UBE2K: variants seen among roughly 807,000 people sequenced by gnomAD.
UBE2K encodes the protein ubiquitin-conjugating enzyme E2 K.
Under a neutral mutation model 30.0 loss-of-function variants are expected in UBE2K, and 6 were observed. That is an observed-to-expected ratio of 0.20 (90% CI 0.11 to 0.39). The LOEUF (loss-of-function observed/expected upper bound fraction) is 0.39. Among genes scored for constraint, UBE2K ranks in the 10% least tolerant of loss-of-function variants. The probability of loss-of-function intolerance (pLI) is 1.00; values close to 1 mark genes in which losing one functional copy is unlikely to be tolerated. For missense variants in UBE2K, 61 were observed against 241.6 expected (o/e 0.25, Z 4.96); for synonymous variants, 86 against 83.7 (o/e 1.03, Z -0.15).
intron 3 of UBE2K, among the ~76,000 whole-genome samples, chr4:39,747,785 TTTGTTG>T (rs1054044884): frequency 6.6e-6 from 1 of 151,698 alleles, no homozygotes; most frequent in South Asian, 2.1e-4. Flanking sequence ...CCCGGCTAAT[TTTGTTG>T]TTGTTGTTGT....
intron 5 of UBE2K, among the ~76,000 whole-genome samples, chr4:39,775,668 C>T (rs1560383058): frequency 6.6e-6 from 1 of 152,198 alleles, no homozygotes; most frequent in Non-Finnish European, 1.5e-5. Flanking sequence ...GGGAGAATCG[C>T]TTGAACCTGG....
intron 1 of UBE2K, among the ~76,000 whole-genome samples, chr4:39,713,089 C>G (rs1021814348): frequency 1.3e-5 from 2 of 151,780 alleles, no homozygotes; most frequent in Non-Finnish European, 2.9e-5. Flanking sequence ...GTCTCTAACT[C>G]CTGACCTCAG....
chr4:39,719,707 C>G (rs1466773751), intron 1 of UBE2K, among the ~76,000 whole-genome samples: 1 of 151,998 alleles, frequency 6.6e-6, no homozygotes, highest in Non-Finnish European at 1.5e-5. Flanking sequence ...TTTGTCATAC[C>G]CAATTTTGGG....
At chr4:39,698,434 G>T (rs1448203225) in intron 1 of UBE2K, 44 bp downstream of exon 1, 3 of 1,572,920 alleles carry the variant, frequency 1.9e-6, no homozygotes, top group Non-Finnish European at 1.7e-6. Context: ...TGCCTGGGGC[G>T]GGAGGGTCCT....
chr4:39,709,782 A>G (rs542867433), intron 1 of UBE2K, among the ~76,000 whole-genome samples: 1 of 152,192 alleles, frequency 6.6e-6, no homozygotes, highest in Admixed American at 6.6e-5. Flanking sequence ...TTGTGTTAAA[A>G]TGTTGCCTTC....
intron 2 of UBE2K, among the ~76,000 whole-genome samples, chr4:39,738,114 A>G (rs142526683): frequency 1.3e-5 from 2 of 152,294 alleles, no homozygotes; most frequent in East Asian, 1.9e-4. Flanking sequence ...ACCTTATAGC[A>G]TTTTACTTTC....
intron 4 of UBE2K, chr4:39,770,201 G>A (rs945132144): frequency 1.9e-6 from 3 of 1,610,332 alleles, no homozygotes; most frequent in East Asian, 4.5e-5. Context: ...AGCGCATGTC[G>A]CAGTAGGAGC....
intron 1 of UBE2K, chr4:39,713,912 C>T (rs1231859642): frequency 1.3e-5 from 2 of 151,728 alleles, no homozygotes; most frequent in African/African-American, 4.8e-5. Flanking sequence ...AAGACAGAGT[C>T]TTGCTCTATT....
chr4:39,764,904 G>A (rs1202730154), intron 4 of UBE2K, among the ~76,000 whole-genome samples: 3 of 112,312 alleles, frequency 2.7e-5, no homozygotes, highest in African/African-American at 1.3e-4. Flanking sequence ...TTTTTTTTTC[G>A]AGACAAGAGT....
intron 4 of UBE2K, chr4:39,761,035 A>C (rs953640294): frequency 6.6e-6 from 1 of 152,274 alleles, no homozygotes; most frequent in Non-Finnish European, 1.5e-5. Flanking sequence ...AGTCCCAGCT[A>C]CTCAGGAGGC....
chr4:39,716,920 C>T (rs1214539571), intron 1 of UBE2K, among the ~76,000 whole-genome samples: 1 of 150,966 alleles, frequency 6.6e-6, no homozygotes, highest in Non-Finnish European at 1.5e-5. Context: ...ATCACTTGAA[C>T]CCGGGAGGCG....
chr4:39,781,919 C>T lies in UBE2K; in HGVS notation c.*3485C>T, dbSNP rs1325233942. 5.0e-6 allele frequency: 2 copies of T among 398,314 alleles called. No homozygotes were observed. Among genetic ancestry groups the T allele is most frequent in the Non-Finnish European group, 8.9e-6 (2 of 225,918 alleles). The allele number at this position is 398,314 out of a possible 1,614,324, so 24.7% of individuals were successfully genotyped here. On this transcript the variant is annotated 3_prime_UTR_variant, in exon 7 of 7. Coordinates refer to ENST00000261427, the MANE Select transcript of UBE2K (RefSeq NM_005339.5). ...CCAGTTGCTGTCACTGGGAAGAAGGCAACTTGAAGTATTTACTGATAAAAT... is the reference window on the plus strand; with the variant it reads ...CCAGTTGCTGTCACTGGGAAGAAGGTAACTTGAAGTATTTACTGATAAAAT...
chr4:39,736,539 A>T (rs1720392726), intron 1 of UBE2K, among the ~76,000 whole-genome samples: 1 of 152,206 alleles, frequency 6.6e-6, no homozygotes, highest in South Asian at 2.1e-4. Context: ...TTTTTAACAT[A>T]GGTTTGAGAA....
At chr4:39,762,918 G>A (rs541154050) in intron 4 of UBE2K, among the ~76,000 whole-genome samples, 27 of 144,038 alleles carry the variant, frequency 1.9e-4, no homozygotes, top group African/African-American at 6.7e-4. Context: ...CGTGAGCCAC[G>A]CACCCGGCCA....
At chr4:39,763,600 G>A (rs868758430) in intron 4 of UBE2K, among the ~76,000 whole-genome samples, 7 of 151,982 alleles carry the variant, frequency 4.6e-5, no homozygotes, top group Admixed American at 1.3e-4. Flanking sequence ...TCACCAATGG[G>A]GTGGCACTAA....
rs762538774 is a variant in UBE2K, at chr4:39,771,225, C to G, written c.300-3609C>G. The G allele has an allele frequency of 6.3e-4, 1,016 of 1,612,332 alleles. 1 individual carries two copies. Among genetic ancestry groups the G allele is most frequent in the Non-Finnish European group, 8.1e-4 (951 of 1,179,648 alleles). On this transcript the variant is annotated intron_variant, in intron 4 of 6. Coordinates refer to ENST00000261427, the MANE Select transcript of UBE2K (RefSeq NM_005339.5). Reference sequence around the variant, plus strand: ...TGCGTGCACTGTGCATCAGGGAGACCTGCAGCTCCGAGCTGGGGTTAAGCA... The same window carrying G: ...TGCGTGCACTGTGCATCAGGGAGACGTGCAGCTCCGAGCTGGGGTTAAGCA...
At chr4:39,726,595 C>CTGTT (rs781495667) in intron 1 of UBE2K, among the ~76,000 whole-genome samples, 1 of 151,858 alleles carries the variant, frequency 6.6e-6, no homozygotes. Context: ...GATTATTTTG[C>CTGTT]TGTTTGTTTG....
intron 1 of UBE2K, among the ~76,000 whole-genome samples, chr4:39,720,089 T>C (rs1302013667): frequency 6.6e-6 from 1 of 152,238 alleles, no homozygotes; most frequent in African/African-American, 2.4e-5. Context: ...AGATACTTGT[T>C]TTCCTGAATG....
rs879776892 is a variant in UBE2K at position 39,714,546 on chromosome 4, A to ATTTTTTTTTT, written c.63+16157_63+16158insTTTTTTTTTT. ...TATATATATATATATATATATATAT[A>ATTTTTTTTTT]TATATTTTTTTTTTTTTTTAAGACT... On this transcript the variant is annotated intron_variant, in intron 1 of 6. Coordinates refer to ENST00000261427, the MANE Select transcript of UBE2K (RefSeq NM_005339.5). 7.1e-3 allele frequency: 180 copies of ATTTTTTTTTT among 25,252 alleles called. 13 individuals carry two copies. The highest frequency in any genetic ancestry group is 0.031 in the East Asian group (13 of 426). The allele number at this position is 25,252 out of a possible 1,614,324, so 1.6% of individuals were successfully genotyped here.
Sources: allele counts gnomAD v4.1 joint callset (sites outside exome capture counted in the v4.1 genomes callset), GRCh38; gene constraint gnomAD v4.1.1; transcripts MANE v1.5; gene names NCBI Gene and HGNC (gene_info 2026-07-23, HGNC 2026-07-21).